The following RAP1GDS1 variants were observed in gnomAD, a reference collection of about 807,000 sequenced individuals.
The protein encoded by RAP1GDS1 is RAP1, GTP-GDP dissociation stimulator 1.
A neutral mutation model predicts 71.1 loss-of-function variants in RAP1GDS1; 35 were observed. That is an observed-to-expected ratio of 0.49 (90% CI 0.38 to 0.65). The LOEUF (loss-of-function observed/expected upper bound fraction) is 0.65. Ranked by LOEUF, RAP1GDS1 falls within the 30% of genes least tolerant of loss-of-function variation. RAP1GDS1 has a pLI of 0.00. For synonymous variants in RAP1GDS1, 229 were observed against 243.1 expected (o/e 0.94, Z 0.54); for missense variants, 663 against 706.1 (o/e 0.94, Z 0.69).
chr4:98,373,554 C>G (rs114555148), intron 4 of RAP1GDS1, among the ~76,000 whole-genome samples: 331 of 152,198 alleles, frequency 2.2e-3, no homozygotes, highest in Middle Eastern at 6.8e-3. Flanking sequence ...CAGTCATTAA[C>G]TCTTAAAATA....
intron 2 of RAP1GDS1, among the ~76,000 whole-genome samples, chr4:98,309,435 G>A (rs1427313462): frequency 1.3e-5 from 2 of 151,700 alleles, no homozygotes; most frequent in African/African-American, 2.4e-5. Flanking sequence ...TTTATGTACT[G>A]TAATTTTCAC....
chr4:98,361,577 T>C (rs1479604842), intron 4 of RAP1GDS1, among the ~76,000 whole-genome samples: 2 of 152,168 alleles, frequency 1.3e-5, no homozygotes, highest in Non-Finnish European at 2.9e-5. Flanking sequence ...AGTAGAATTA[T>C]TGAACAATTT....
At chr4:98,271,371 G>A (rs996165419) in intron 1 of RAP1GDS1, among the ~76,000 whole-genome samples, 5 of 152,060 alleles carry the variant, frequency 3.3e-5, no homozygotes, top group African/African-American at 1.2e-4. Flanking sequence ...TTAACTAAAC[G>A]CCTTTCTCCA....
chr4:98,430,710 T>C (rs1312131668), intron 12 of RAP1GDS1, among the ~76,000 whole-genome samples: 1 of 152,208 alleles, frequency 6.6e-6, no homozygotes, highest in Non-Finnish European at 1.5e-5. Flanking sequence ...GGAAAAATGC[T>C]GTTCTAGAAT....
chr4:98,273,578 A>G (rs1045485339), intron 1 of RAP1GDS1, among the ~76,000 whole-genome samples: 1 of 152,092 alleles, frequency 6.6e-6, no homozygotes, highest in Non-Finnish European at 1.5e-5. Context: ...TTATCCTCTT[A>G]TCAGAATTTA....
chr4:98,339,878 T>TA (rs1412940074), intron 2 of RAP1GDS1, among the ~76,000 whole-genome samples: 12 of 152,244 alleles, frequency 7.9e-5, no homozygotes, highest in African/African-American at 2.9e-4. Context: ...TGTAAATAGT[T>TA]CAGCCATTGT....
intron 1 of RAP1GDS1, among the ~76,000 whole-genome samples, chr4:98,272,304 C>T (rs944171356): frequency 6.6e-6 from 1 of 152,168 alleles, no homozygotes; most frequent in African/African-American, 2.4e-5. Flanking sequence ...TAAGTTTATT[C>T]CTGTAGCATT....
chr4:98,340,077 G>T (rs1735277771), intron 2 of RAP1GDS1, among the ~76,000 whole-genome samples: 1 of 151,924 alleles, frequency 6.6e-6, no homozygotes, highest in Admixed American at 6.6e-5. Context: ...ATACACTGCT[G>T]GTGGGAATGT....
At chr4:98,372,193 T>C (rs1213651673) in intron 4 of RAP1GDS1, among the ~76,000 whole-genome samples, 1 of 152,132 alleles carries the variant, frequency 6.6e-6, no homozygotes, top group Non-Finnish European at 1.5e-5. Context: ...GGTGGAGTCT[T>C]GCTCTGCCAC....
At chr4:98,276,439 G>A (rs1419307768) in intron 1 of RAP1GDS1, among the ~76,000 whole-genome samples, 6 of 150,366 alleles carry the variant, frequency 4.0e-5, no homozygotes, top group African/African-American at 1.5e-4. Context: ...AAACTCAAAT[G>A]TAACTGATTA....
chr4:98,306,504 CT>C (rs1476660586), intron 2 of RAP1GDS1, among the ~76,000 whole-genome samples: 1 of 152,158 alleles, frequency 6.6e-6, no homozygotes, highest in Non-Finnish European at 1.5e-5. Context: ...TAATACATGA[CT>C]TTTGGGTGGG....
intron 1 of RAP1GDS1, among the ~76,000 whole-genome samples, chr4:98,277,614 G>T (rs1299333455): frequency 6.6e-6 from 1 of 152,128 alleles, no homozygotes; most frequent in East Asian, 1.9e-4. Flanking sequence ...CGGCTTCTGA[G>T]TTCTACTGAC....
At position 98,293,397 on chromosome 4, in the gene RAP1GDS1, TC is replaced by T; in HGVS notation, c.5-10del. ...AGGTTGAGTTTCTGATTTTTTTTTT[TC>T]TTTAAGCAGATAATCTCAGTGATAC... On this transcript the variant is annotated splice_polypyrimidine_tract_variant and intron_variant, in intron 1 of 14. Transcript: ENST00000408927. 1.3e-6 allele frequency: 2 copies of T among 1,559,860 alleles called. No individual in the cohort carries two copies. The highest frequency in any genetic ancestry group is 1.7e-6 in the Non-Finnish European group (2 of 1,151,674).
chr4:98,419,970 C>T, intron 10 of RAP1GDS1, 49 bp from the exon 11 acceptor site: 2 of 1,481,812 alleles, frequency 1.3e-6, no homozygotes, highest in Non-Finnish European at 1.8e-6. Flanking sequence ...GAATGTTTAT[C>T]AACAGGAATG....
chr4:98,274,214 C>T (rs1723886009), intron 1 of RAP1GDS1, among the ~76,000 whole-genome samples: 1 of 152,074 alleles, frequency 6.6e-6, no homozygotes, highest in Non-Finnish European at 1.5e-5. Flanking sequence ...TGGTTAAAGG[C>T]ATTTCTTTTT....
intron 4 of RAP1GDS1, among the ~76,000 whole-genome samples, chr4:98,367,387 A>G (rs1560910040): frequency 6.6e-6 from 1 of 152,210 alleles, no homozygotes; most frequent in Non-Finnish European, 1.5e-5. Flanking sequence ...ACCCTCATGG[A>G]GAACCTCTGC....
intron 1 of RAP1GDS1, 116 bp downstream of exon 1, chr4:98,261,685 A>G: frequency 2.3e-6 from 3 of 1,322,780 alleles, no homozygotes; most frequent in African/African-American, 1.5e-5. Context: ...CCCGGGTGTG[A>G]GACGGTGGCT....
intron 2 of RAP1GDS1, among the ~76,000 whole-genome samples, chr4:98,314,369 G>A: frequency 6.6e-6 from 1 of 152,154 alleles, no homozygotes; most frequent in East Asian, 1.9e-4. Flanking sequence ...AGTTTCCTTG[G>A]TGAGAGAATC....
intron 7 of RAP1GDS1, among the ~76,000 whole-genome samples, chr4:98,415,642 G>C (rs1747838124): frequency 6.6e-6 from 1 of 152,114 alleles, no homozygotes; most frequent in Non-Finnish European, 1.5e-5. Flanking sequence ...AAAGATATTA[G>C]AAGTATAATA....
Sources: gnomAD v4.1 joint callset for allele counts (sites outside exome capture counted in the v4.1 genomes callset) on GRCh38, gnomAD v4.1.1 for gene constraint, MANE v1.5 for transcripts, NCBI Gene and HGNC (gene_info 2026-07-23, HGNC 2026-07-21) for gene names.